The following ALG6 variants were observed in gnomAD, a reference collection of about 807,000 sequenced individuals.
ALG6 encodes the protein dolichyl pyrophosphate Man9GlcNAc2 alpha-1,3-glucosyltransferase.
A neutral mutation model predicts 66.6 loss-of-function variants in ALG6; 46 were observed. The observed-to-expected ratio is 0.69, with a 90% CI of 0.55 to 0.88. ALG6 has a LOEUF of 0.88. Among genes scored for constraint, ALG6 ranks in the 40% least tolerant of loss-of-function variants. The pLI is 0.00. For missense variants in ALG6, 505 were observed against 586.8 expected, an observed-to-expected ratio of 0.86 and a Z score of 1.44; for synonymous variants, 185 against 203.7, an observed-to-expected ratio of 0.91 and a Z score of 0.78.
intron 2 of ALG6, among the ~76,000 whole-genome samples, chr1:63,381,567 C>T (rs1235113231): frequency 2.0e-5 from 3 of 151,892 alleles, no homozygotes; most frequent in Non-Finnish European, 4.4e-5. Flanking sequence ...ATCCCTTGAG[C>T]CCAGAAGGTC....
At chr1:63,398,503 C>T (rs1364133595) in intron 3 of ALG6, among the ~76,000 whole-genome samples, 4 of 152,112 alleles carry the variant, frequency 2.6e-5, no homozygotes, top group Non-Finnish European at 4.4e-5. Context: ...GACGGAGTCT[C>T]GCTCTGTTGT....
intron 12 of ALG6, among the ~76,000 whole-genome samples, chr1:63,424,459 G>T (rs1384098853): frequency 6.6e-6 from 1 of 151,908 alleles, no homozygotes; most frequent in Non-Finnish European, 1.5e-5. Context: ...ATTTTTAATT[G>T]GGTTGTCATT....
chr1:63,379,749 AAAC>A (rs1460600939), intron 2 of ALG6, among the ~76,000 whole-genome samples: 1 of 149,424 alleles, frequency 6.7e-6, no homozygotes, highest in Non-Finnish European at 1.5e-5. Context: ...AATTATATAA[AAAC>A]AAATATAAAT....
At chr1:63,391,578 A>T (rs1159651712) in intron 2 of ALG6, among the ~76,000 whole-genome samples, 1 of 152,178 alleles carries the variant, frequency 6.6e-6, no homozygotes, top group Non-Finnish European at 1.5e-5. Context: ...CCTTCCTCAG[A>T]TTCCTTTAGC....
chr1:63,399,363 C>T (rs1363297223), intron 3 of ALG6, among the ~76,000 whole-genome samples: 2 of 152,122 alleles, frequency 1.3e-5, no homozygotes, highest in Admixed American at 6.5e-5. Flanking sequence ...TAGTTAGATG[C>T]AAATCACAGG....
intron 12 of ALG6, among the ~76,000 whole-genome samples, chr1:63,422,273 A>ATATATTTATATC (rs1267416884): frequency 1.8e-5 from 1 of 55,438 alleles, no homozygotes; most frequent in African/African-American, 1.1e-4. Flanking sequence ...ATATAAATAT[A>ATATATTTATATC]TATATAAATA....
chr1:63,428,699 TAATATTAA>T (rs1570090076), intron 12 of ALG6, 26 bp from the exon 13 acceptor site: 1 of 1,390,128 alleles, frequency 7.2e-7, no homozygotes. Flanking sequence ...TTATATTCTG[TAATATTAA>T]AATATTTTTT....
At chr1:63,417,229 A>C (rs1453960345) in intron 11 of ALG6, among the ~76,000 whole-genome samples, 1 of 152,176 alleles carries the variant, frequency 6.6e-6, no homozygotes, top group Non-Finnish European at 1.5e-5. Flanking sequence ...CAAGCTTGTG[A>C]TAGATTGTTG....
chr1:63,435,180 A>G (rs1468891851), intron 14 of ALG6, among the ~76,000 whole-genome samples: 2 of 152,194 alleles, frequency 1.3e-5, no homozygotes, highest in African/African-American at 4.8e-5. Context: ...TGTTTTGGGA[A>G]ACAAGTGTAA....
chr1:63,406,944 G>T (rs191887264), intron 6 of ALG6, 118 bp from the exon 7 acceptor site: 28 of 749,012 alleles, frequency 3.7e-5, no homozygotes, highest in African/African-American at 3.6e-4. Flanking sequence ...TGAAAAGAAA[G>T]TGTGACACCT....
At chr1:63,394,856 T>C (rs548087269) in intron 2 of ALG6, among the ~76,000 whole-genome samples, 90 of 151,478 alleles carry the variant, frequency 5.9e-4, no homozygotes, top group African/African-American at 2.1e-3. Flanking sequence ...ATAATGATAA[T>C]ACCTATTTCT....
chr1:63,382,306 A>G (rs929054242), intron 2 of ALG6, among the ~76,000 whole-genome samples: 3 of 150,424 alleles, frequency 2.0e-5, no homozygotes, highest in Non-Finnish European at 4.4e-5. Flanking sequence ...GGTTCAAGCA[A>G]TTCTTCTGTC....
rs984001898 is a variant in ALG6, at chr1:63,372,288, T to C, written c.82+1229T>C. 2.0e-5 allele frequency among the ~76,000 whole-genome samples: 3 copies of C among 151,972 alleles called. No individual in the cohort carries two copies. In the East Asian group the frequency reaches 5.8e-4, roughly 29 times the overall value. On this transcript the variant is annotated intron_variant, in intron 2 of 14. Transcript: ENST00000263440. The stretch of plus-strand genomic sequence containing the variant: ...AACTTATGTTAGTGAAAAAGGGTCA[T>C]AGGAAAAAGAGATAGGTAAAGAGAA...
chr1:63,407,530 G>A (rs1055199183), intron 7 of ALG6, among the ~76,000 whole-genome samples: 4 of 152,008 alleles, frequency 2.6e-5, no homozygotes, highest in Non-Finnish European at 5.9e-5. Context: ...CTATCAGATA[G>A]TAGTAGCTAG....
At chr1:63,371,488 T>TA (rs1349861449) in intron 2 of ALG6, among the ~76,000 whole-genome samples, 1 of 152,188 alleles carries the variant, frequency 6.6e-6, no homozygotes, top group Non-Finnish European at 1.5e-5. Flanking sequence ...TGGATTGGCT[T>TA]AAATGTAACT....
At chr1:63,383,241 C>T (rs1018803766) in intron 2 of ALG6, among the ~76,000 whole-genome samples, 5 of 152,102 alleles carry the variant, frequency 3.3e-5, no homozygotes, top group African/African-American at 1.2e-4. Context: ...CCTGCCTCAG[C>T]CTCCCAAGTA....
At chr1:63,425,456 G>A (rs2100436853) in intron 12 of ALG6, among the ~76,000 whole-genome samples, 1 of 152,304 alleles carries the variant, frequency 6.6e-6, no homozygotes, top group Middle Eastern at 3.4e-3. Context: ...TGAAAGTTCT[G>A]TTTTAACTGC....
In ALG6 at chr1:63,410,823, T is replaced by C. The variant is rs376216415; in HGVS notation, c.495-323T>C. 1.2e-4 allele frequency among the ~76,000 whole-genome samples: 18 copies of C among 152,278 alleles called. No homozygotes were observed. In the South Asian group the frequency reaches 3.3e-3, roughly 28 times the overall value. On this transcript the variant is annotated intron_variant, in intron 7 of 14. Coordinates refer to ENST00000263440, the MANE Select transcript of ALG6 (RefSeq NM_013339.4). ...TTATTCTCTAGATTTTGGTATGTTA[T>C]AATAATATTGTGAAGTAATCTAACA...
At chr1:63,396,643 A>G (rs769072411) in intron 3 of ALG6, 46 bp downstream of exon 3, 29 of 1,510,886 alleles carry the variant, frequency 1.9e-5, no homozygotes, top group Non-Finnish European at 2.6e-5. Context: ...TAGTTAATAC[A>G]GATTGTTTGA....
Sources: gnomAD v4.1 joint callset for allele counts (sites outside exome capture counted in the v4.1 genomes callset) on GRCh38, gnomAD v4.1.1 for gene constraint, MANE v1.5 for transcripts, NCBI Gene and HGNC (gene_info 2026-07-23, HGNC 2026-07-21) for gene names.